The following NDUFC2 variants were observed in gnomAD, a reference collection of about 807,000 sequenced individuals.
NDUFC2 encodes the protein NADH dehydrogenase [ubiquinone] 1 subunit C2.
Under a neutral mutation model 10.1 loss-of-function variants are expected in NDUFC2, and 2 were observed. That is an observed-to-expected ratio of 0.20 (90% CI 0.08 to 0.62). The LOEUF is 0.62. Among genes scored for constraint, NDUFC2 ranks in the 20% least tolerant of loss-of-function variants. The pLI, the probability that NDUFC2 is intolerant of heterozygous loss-of-function variation, is 0.87. For missense variants in NDUFC2, 156 were observed against 159.6 expected (o/e 0.98, Z 0.12); for synonymous variants, 61 against 63.6 (o/e 0.96, Z 0.20).
At position 78,073,078 on chromosome 11, in the gene NDUFC2, C is replaced by T. The variant is rs777038573; in HGVS notation, c.230G>A (p.Arg77His). The T allele has an allele frequency of 1.2e-5, 20 of 1,613,736 alleles. No homozygotes were observed. In the East Asian group the frequency reaches 1.8e-4, roughly 14 times the overall value. ...CCTCACAGCATACAGGTAGTCTTCA[C>T]GTTTTACAAGATAATATCCAGCAAA... ...FFFAGYYLVK[R>H]EDYLYAVRDR... Residue 77 changes from arginine (R) to histidine (H), a missense_variant, in exon 2 of 3, where the codon CGT becomes CAT. By Grantham distance (29) the Arg-to-His change is conservative. Transcript: ENST00000281031.
At chr11:78,077,490 C>T (rs1859300071) in intron 1 of NDUFC2, among the ~76,000 whole-genome samples, 1 of 152,170 alleles carries the variant, frequency 6.6e-6, no homozygotes, top group South Asian at 2.1e-4. Flanking sequence ...AACTTTGGCT[C>T]TGATCGACCT....
chr11:78,072,668 T>C (rs960038086), intron 2 of NDUFC2, among the ~76,000 whole-genome samples: 1 of 152,164 alleles, frequency 6.6e-6, no homozygotes, highest in Non-Finnish European at 1.5e-5. Context: ...TAAGACCTGA[T>C]GACTAATGGG....
intron 2 of NDUFC2, among the ~76,000 whole-genome samples, chr11:78,072,260 C>T (rs1590777907): frequency 6.6e-6 from 1 of 152,200 alleles, no homozygotes; most frequent in Admixed American, 6.5e-5. Context: ...TCACTGCAAC[C>T]TCCGCCTCCC....
At chr11:78,075,578 T>C (rs1264731292) in intron 1 of NDUFC2, among the ~76,000 whole-genome samples, 1 of 152,220 alleles carries the variant, frequency 6.6e-6, no homozygotes, top group Admixed American at 6.5e-5. Context: ...TAGAAATTCA[T>C]TATTATGAGA....
At chr11:78,077,487 G>A (rs924557397) in intron 1 of NDUFC2, among the ~76,000 whole-genome samples, 1 of 152,084 alleles carries the variant, frequency 6.6e-6, no homozygotes, top group Non-Finnish European at 1.5e-5. Context: ...GGAAACTTTG[G>A]CTCTGATCGA....
At chr11:78,071,567 CAAA>C (rs934112387) in intron 2 of NDUFC2, among the ~76,000 whole-genome samples, 2 of 151,126 alleles carry the variant, frequency 1.3e-5, no homozygotes, top group Non-Finnish European at 3.0e-5. Flanking sequence ...CTGGGGAAAC[CAAA>C]AAAAACTGTC....
At position 78,073,246 on chromosome 11, in the gene NDUFC2, C is replaced by T. The variant is rs1047031732; in HGVS notation, c.167-105G>A. On this transcript the variant is annotated intron_variant, in intron 1 of 2. Transcript: ENST00000281031. Reference sequence around the variant, plus strand: ...GTGGCTCACACCTGTAATCCCAGCACTTTGGGAGGCCAAGACAGGTGGATC... The same window carrying T: ...GTGGCTCACACCTGTAATCCCAGCATTTTGGGAGGCCAAGACAGGTGGATC... The T allele has an allele frequency of 5.2e-6, 8 of 1,547,662 alleles. No individual in the cohort carries two copies. The African/African-American group carries it at 9.7e-5, about 19-fold the overall frequency.
rs1358316061 is a variant in NDUFC2, at chr11:78,069,745, C to T, written c.*242G>A. Reference sequence around the variant, plus strand: ...GGGCCAGATTTGGGTAGTCTGCTAACTCTAAACTAGAATTCAACCTCATCT... The same window carrying T: ...GGGCCAGATTTGGGTAGTCTGCTAATTCTAAACTAGAATTCAACCTCATCT... On this transcript the variant is annotated 3_prime_UTR_variant, in exon 3 of 3. Transcript: ENST00000281031. The T allele has an allele frequency of 1.1e-6, 1 of 880,354 alleles. No individual in the cohort carries two copies. The highest frequency in any genetic ancestry group is 1.7e-6 in the Non-Finnish European group (1 of 574,678). The allele number at this position is 880,354 out of a possible 1,614,324, so 54.5% of individuals were successfully genotyped here.
chr11:78,071,925 A>C (rs1859025811), intron 2 of NDUFC2, among the ~76,000 whole-genome samples: 1 of 152,242 alleles, frequency 6.6e-6, no homozygotes, highest in South Asian at 2.1e-4. Context: ...GAAGTATTCC[A>C]TACGGTTCAT....
chr11:78,074,600 G>A (rs185593888), intron 1 of NDUFC2, among the ~76,000 whole-genome samples: 2 of 150,796 alleles, frequency 1.3e-5, no homozygotes, highest in Admixed American at 6.6e-5. Flanking sequence ...GCGACAGAAT[G>A]AGACTCTGTC....
intron 2 of NDUFC2, chr11:78,072,786 A>G: frequency 1.5e-6 from 1 of 650,384 alleles, no homozygotes; most frequent in South Asian, 2.2e-5. Context: ...AGGTTTGGGA[A>G]GGCAGAGGGG....
In NDUFC2 at chr11:78,068,882, T is replaced by C. The variant is rs759018137; in HGVS notation, c.*1105A>G. 1 of 150,542 alleles carries C rather than the reference T, an allele frequency of 6.6e-6. No homozygotes were observed. The highest frequency in any genetic ancestry group is 2.4e-5 in the African/African-American group (1 of 41,090). The allele number at this position is 150,542 out of a possible 1,614,324, so 9.3% of individuals were successfully genotyped here. A position where few individuals can be genotyped will look rare whatever the true frequency, so the allele number is the denominator to read the frequency against. ...AACAAAAACTTTTGGGACAAGTACT[T>C]TTTTTTTTGACGGGGTCTCCTTTGT... On this transcript the variant is annotated 3_prime_UTR_variant, in exon 3 of 3. Transcript: ENST00000281031.
At chr11:78,072,901 A>C in intron 2 of NDUFC2, 97 bp downstream of exon 2, 1 of 1,488,076 alleles carries the variant, frequency 6.7e-7, no homozygotes, top group Non-Finnish European at 9.0e-7. Flanking sequence ...GAGTCAACAG[A>C]ATTTAGAAGG....
At chr11:78,077,429 T>A (rs1035167417) in intron 1 of NDUFC2, among the ~76,000 whole-genome samples, 2 of 152,202 alleles carry the variant, frequency 1.3e-5, no homozygotes, top group Non-Finnish European at 2.9e-5. Flanking sequence ...TCTCACTCAA[T>A]TCTCACAACA....
chr11:78,073,960 C>T (rs1246955760), intron 1 of NDUFC2, among the ~76,000 whole-genome samples: 2 of 151,942 alleles, frequency 1.3e-5, no homozygotes. Flanking sequence ...CAGCCTCAAC[C>T]TCCTAGGCTC....
Position 78,069,006 on chromosome 11 carries a change from A to G in NDUFC2, c.*981T>C, listed in dbSNP as rs1295634332. 6.6e-6 allele frequency: 1 copy of G among 151,974 alleles called. No individual in the cohort carries two copies. Among genetic ancestry groups the G allele is most frequent in the Non-Finnish European group, 1.5e-5 (1 of 68,010 alleles). The allele number at this position is 151,974 out of a possible 1,614,324, so 9.4% of individuals were successfully genotyped here. On this transcript the variant is annotated 3_prime_UTR_variant, in exon 3 of 3. Transcript: ENST00000281031. The stretch of plus-strand genomic sequence containing the variant: ...AGGGCTCAATAGATCCTCCCACCTC[A>G]GCCTTATGAGTAGCTGGGATTGCAG...
chr11:78,075,128 T>C (rs1437778309), intron 1 of NDUFC2, among the ~76,000 whole-genome samples: 1 of 152,220 alleles, frequency 6.6e-6, no homozygotes, highest in African/African-American at 2.4e-5. Flanking sequence ...CATAAATTAC[T>C]GATAAACTAG....
chr11:78,072,631 T>G (rs1859058311), intron 2 of NDUFC2, among the ~76,000 whole-genome samples: 1 of 152,110 alleles, frequency 6.6e-6, no homozygotes, highest in South Asian at 2.1e-4. Flanking sequence ...AGTTCAAAGT[T>G]AAGAAATATT....
Position 78,073,006 on chromosome 11 carries a change from G to A in NDUFC2, c.302C>T (p.Pro101Leu), listed in dbSNP as rs1859076615. The change falls in exon 2 of 3, where the codon CCT becomes CTT. Residue 101 changes from proline to leucine, a missense_variant. Transcript: ENST00000281031. Reference protein sequence around the residue: ...GYMKLHPEDFPEEDKKTYGEI... With the variant: ...GYMKLHPEDFLEEDKKTYGEI... ...AAATTAACTTGAAATACCTTCTTCA[G>A]GAAAATCCTCTGGATGTAATTTCAT... is the stretch of plus-strand genomic sequence containing the variant. 6.2e-7 allele frequency: 1 copy of A among 1,610,972 alleles called. No individual in the cohort carries two copies. Among genetic ancestry groups the A allele is most frequent in the Admixed American group, 1.7e-5 (1 of 58,922 alleles).
Sources: allele counts gnomAD v4.1 joint callset (sites outside exome capture counted in the v4.1 genomes callset), GRCh38; gene constraint gnomAD v4.1.1; transcripts MANE v1.5; gene names NCBI Gene and HGNC (gene_info 2026-07-23, HGNC 2026-07-21).